The following MTRF1 variants were observed in gnomAD, a reference collection of about 807,000 sequenced individuals.
The protein encoded by MTRF1 is peptide chain release factor 1, mitochondrial.
A neutral mutation model predicts 62.9 loss-of-function variants in MTRF1; 51 were observed. The ratio of observed to expected loss-of-function variants is 0.81; its 90% CI spans 0.65 to 1.02. The LOEUF (loss-of-function observed/expected upper bound fraction) is 1.02. Among genes scored for constraint, MTRF1 ranks in the 50% least tolerant of loss-of-function variants. The probability of loss-of-function intolerance (pLI) is 0.00; values close to 1 mark genes in which losing one functional copy is unlikely to be tolerated. For missense variants in MTRF1, 446 were observed against 530.0 expected (o/e 0.84, Z 1.56); for synonymous variants, 158 against 181.9 (o/e 0.87, Z 1.06).
chr13:41,264,559 A>G (rs1370234460), upstream of MTRF1, among the ~76,000 whole-genome samples: 1 of 152,272 alleles, frequency 6.6e-6, no homozygotes, highest in Non-Finnish European at 1.5e-5. Flanking sequence ...ATAATCACAT[A>G]CATAGATAGG....
chr13:41,232,645 G>A (rs1406056657), intron 7 of MTRF1, among the ~76,000 whole-genome samples: 3 of 152,184 alleles, frequency 2.0e-5, no homozygotes, highest in Admixed American at 6.5e-5. Flanking sequence ...ACTTAAAGAT[G>A]AGCTTTGTTA....
At chr13:41,286,088 C>A in the MTRF1 span, among the ~76,000 whole-genome samples, 6,953 of 109,728 alleles carry the variant, frequency 0.063, 818 homozygotes, top group African/African-American at 0.23. Flanking sequence ...ACAACAACAA[C>A]AAAAAAAAAA....
the MTRF1 span, among the ~76,000 whole-genome samples, chr13:41,272,476 C>T: frequency 6.6e-6 from 1 of 152,072 alleles, no homozygotes; most frequent in Non-Finnish European, 1.5e-5. Context: ...CTTTATTACC[C>T]ATATCTTGGA....
the MTRF1 span, among the ~76,000 whole-genome samples, chr13:41,309,667 ATTCT>A: frequency 2.0e-5 from 3 of 152,146 alleles, no homozygotes; most frequent in African/African-American, 7.2e-5. Flanking sequence ...GACTCCTATG[ATTCT>A]TTCATGTCCA....
intron 9 of MTRF1, among the ~76,000 whole-genome samples, chr13:41,221,310 C>G (rs570191465): frequency 6.6e-6 from 1 of 152,124 alleles, no homozygotes; most frequent in Admixed American, 6.5e-5. Context: ...GTGCCCACCA[C>G]CATGCCCGGC....
chr13:41,220,890 A>C (rs1474361265), intron 9 of MTRF1, among the ~76,000 whole-genome samples: 1 of 152,158 alleles, frequency 6.6e-6, no homozygotes, highest in Non-Finnish European at 1.5e-5. Flanking sequence ...GCTAGGACTT[A>C]TTTGGGTGTC....
the MTRF1 span, among the ~76,000 whole-genome samples, chr13:41,270,508 T>A: frequency 6.6e-6 from 1 of 152,210 alleles, no homozygotes; most frequent in Admixed American, 6.5e-5. Flanking sequence ...TTTTCTCTTA[T>A]ACTTTCAAAT....
intron 5 of MTRF1, among the ~76,000 whole-genome samples, chr13:41,246,085 G>A (rs911153382): frequency 6.6e-5 from 10 of 152,114 alleles, no homozygotes; most frequent in African/African-American, 2.4e-4. Flanking sequence ...CCTCCTCCCA[G>A]CTCCAGCTCA....
chr13:41,275,393 G>A, the MTRF1 span, among the ~76,000 whole-genome samples: 1 of 151,934 alleles, frequency 6.6e-6, no homozygotes, highest in African/African-American at 2.4e-5. Context: ...GTAGAGATGG[G>A]GTTTCACCAT....
At chr13:41,232,821 C>T (rs1056077282) in intron 7 of MTRF1, among the ~76,000 whole-genome samples, 1 of 152,176 alleles carries the variant, frequency 6.6e-6, no homozygotes, top group African/African-American at 2.4e-5. Flanking sequence ...TGATGGAGTG[C>T]TCTGTCATGG....
chr13:41,227,941 T>A (rs1182965435), intron 7 of MTRF1, among the ~76,000 whole-genome samples: 1 of 152,234 alleles, frequency 6.6e-6, no homozygotes, highest in African/African-American at 2.4e-5. Flanking sequence ...CAGGTATTTG[T>A]CTGGAGTTTT....
At chr13:41,277,024 C>T in the MTRF1 span, among the ~76,000 whole-genome samples, 1 of 152,148 alleles carries the variant, frequency 6.6e-6, no homozygotes, top group Non-Finnish European at 1.5e-5. Flanking sequence ...CATCCCTTCC[C>T]TCTAACTAAC....
At chr13:41,263,029 C>A (rs912948114) in intron 1 of MTRF1, among the ~76,000 whole-genome samples, 3 of 152,160 alleles carry the variant, frequency 2.0e-5, no homozygotes, top group African/African-American at 2.4e-5. Flanking sequence ...TTGAAGAAAG[C>A]ACCAATGGCC....
the MTRF1 span, among the ~76,000 whole-genome samples, chr13:41,270,220 G>T: frequency 1.2e-3 from 179 of 152,258 alleles, no homozygotes; most frequent in Non-Finnish European, 2.2e-3. Flanking sequence ...AAAAATTTAT[G>T]TTGGCAATTT....
the MTRF1 span, among the ~76,000 whole-genome samples, chr13:41,282,351 T>C: frequency 6.6e-6 from 1 of 151,992 alleles, no homozygotes; most frequent in African/African-American, 2.4e-5. Context: ...CAGCTACTTG[T>C]GAAGCCGAGG....
At chr13:41,237,218 CAAAAAAAAAAA>C (rs11412273) in intron 6 of MTRF1, among the ~76,000 whole-genome samples, 6 of 63,896 alleles carry the variant, frequency 9.4e-5, no homozygotes. Flanking sequence ...GAATCTGTCT[CAAAAAAAAAAA>C]AAAAAAAAAA....
chr13:41,250,504 T>G (rs966258500), intron 5 of MTRF1, among the ~76,000 whole-genome samples: 8 of 152,094 alleles, frequency 5.3e-5, no homozygotes, highest in Non-Finnish European at 1.2e-4. Flanking sequence ...CAAATTTTTT[T>G]TTTTTTTTGA....
chr13:41,306,258 C>G, the MTRF1 span, among the ~76,000 whole-genome samples: 10 of 152,022 alleles, frequency 6.6e-5, no homozygotes, highest in Admixed American at 6.6e-4. Flanking sequence ...GTGGCGGGCG[C>G]CTGTAGTCCC....
chr13:41,220,619 T>C (rs1593541626), intron 9 of MTRF1: 1 of 1,287,270 alleles, frequency 7.8e-7, no homozygotes, highest in South Asian at 1.2e-5. Context: ...GGGTCACGAC[T>C]ACCACCCGTG....
Sources: gnomAD v4.1 joint callset for allele counts (sites outside exome capture counted in the v4.1 genomes callset) on GRCh38, gnomAD v4.1.1 for gene constraint, MANE v1.5 for transcripts, NCBI Gene and HGNC (gene_info 2026-07-23, HGNC 2026-07-21) for gene names.